The following WDPCP variants were observed in gnomAD, a reference collection of about 807,000 sequenced individuals.
WDPCP encodes WD repeat-containing and planar cell polarity effector protein fritz homolog.
In WDPCP, 71 loss-of-function variants were observed where a neutral mutation model predicts 93.1. The ratio of observed to expected loss-of-function variants is 0.76; its 90% CI spans 0.63 to 0.93. The LOEUF is 0.93. WDPCP is among the 40% of genes least tolerant of loss of function. The pLI is 0.00. For synonymous variants in WDPCP, 315 were observed against 315.0 expected (o/e 1.00, Z 0.00); for missense variants, 844 against 887.4 (o/e 0.95, Z 0.62).
intron 13 of WDPCP, among the ~76,000 whole-genome samples, chr2:63,291,286 C>T (rs926749826): frequency 6.6e-6 from 1 of 152,148 alleles, no homozygotes; most frequent in African/African-American, 2.4e-5. Flanking sequence ...AATCCTTGAA[C>T]ATTTCTGATG....
At chr2:63,311,573 G>A (rs184401469) in intron 13 of WDPCP, among the ~76,000 whole-genome samples, 2 of 152,116 alleles carry the variant, frequency 1.3e-5, no homozygotes, top group African/African-American at 4.8e-5. Flanking sequence ...AAAAAGGACA[G>A]TAAAACCACT....
intron 2 of WDPCP, among the ~76,000 whole-genome samples, chr2:63,703,914 G>C (rs1669104888): frequency 6.6e-6 from 1 of 152,228 alleles, no homozygotes; most frequent in African/African-American, 2.4e-5. Context: ...TCACGATATT[G>C]ATTCTTCCTA....
chr2:63,605,368 G>C (rs371552676), intron 3 of WDPCP: 9 of 1,614,082 alleles, frequency 5.6e-6, no homozygotes, highest in Non-Finnish European at 7.6e-6. Context: ...GACCACGTCA[G>C]GGACATCTGG....
chr2:63,415,099 T>G (rs535024366), intron 9 of WDPCP, among the ~76,000 whole-genome samples: 16 of 152,126 alleles, frequency 1.1e-4, no homozygotes, highest in Non-Finnish European at 2.1e-4. Context: ...AAAAAATACT[T>G]TAGTATAATC....
chr2:63,156,880 C>T (rs1672294074), intron 15 of WDPCP, among the ~76,000 whole-genome samples: 1 of 152,124 alleles, frequency 6.6e-6, no homozygotes, highest in African/African-American at 2.4e-5. Context: ...TACAGTGTTC[C>T]ATAAGAGTGG....
At chr2:63,123,399 G>A (rs904998909) in intron 17 of WDPCP, among the ~76,000 whole-genome samples, 2 of 152,030 alleles carry the variant, frequency 1.3e-5, no homozygotes, top group South Asian at 4.1e-4. Context: ...GTGTCGTTCA[G>A]CCATGTTGCT....
At chr2:63,772,522 G>C (rs775006061) in intron 2 of WDPCP, among the ~76,000 whole-genome samples, 9 of 152,026 alleles carry the variant, frequency 5.9e-5, no homozygotes, top group Non-Finnish European at 1.2e-4. Context: ...TTCTATGACA[G>C]ATGCAAAACT....
At chr2:63,222,110 T>C (rs925498247) in intron 14 of WDPCP, among the ~76,000 whole-genome samples, 1 of 152,168 alleles carries the variant, frequency 6.6e-6, no homozygotes, top group African/African-American at 2.4e-5. Flanking sequence ...GGACAGAGAC[T>C]CATATGCAGT....
chr2:63,368,291 A>ATTTT (rs1464606443), intron 12 of WDPCP, among the ~76,000 whole-genome samples: 14 of 141,142 alleles, frequency 9.9e-5, no homozygotes, highest in Non-Finnish European at 1.8e-4. Context: ...TACTAAGTTT[A>ATTTT]TTTTTAATTT....
At chr2:63,623,042 T>G (rs1709767022) in intron 3 of WDPCP, among the ~76,000 whole-genome samples, 1 of 152,190 alleles carries the variant, frequency 6.6e-6, no homozygotes, top group Admixed American at 6.5e-5. Flanking sequence ...TCAACATTCT[T>G]AAAGAAAAGA....
chr2:63,590,752 A>C (rs544965264), upstream of WDPCP: 1 of 152,330 alleles, frequency 6.6e-6, no homozygotes, highest in African/African-American at 2.4e-5. Flanking sequence ...GCCAGATAAC[A>C]CAGAGACAGA....
intron 3 of WDPCP, among the ~76,000 whole-genome samples, chr2:63,646,346 A>G (rs1463083614): frequency 6.6e-6 from 1 of 152,010 alleles, no homozygotes; most frequent in Non-Finnish European, 1.5e-5. Context: ...TTCCATTTGT[A>G]TCTTACTGTA....
At chr2:63,526,641 G>C (rs1703359931) in intron 1 of WDPCP, among the ~76,000 whole-genome samples, 1 of 152,106 alleles carries the variant, frequency 6.6e-6, no homozygotes, top group Non-Finnish European at 1.5e-5. Flanking sequence ...CAGAGCCTTT[G>C]TATTTGATGT....
chr2:63,784,571 AGTGT>A lies in WDPCP; in HGVS notation n.308+29047_308+29050del, dbSNP rs57680590. Among the ~76,000 whole-genome samples, 151 of 145,730 alleles carry A rather than the reference AGTGT, an allele frequency of 1.0e-3. 1 individual carries two copies. Among genetic ancestry groups the A allele is most frequent in the Admixed American group, 3.0e-3 (43 of 14,558 alleles). On this transcript the variant is annotated intron_variant and non_coding_transcript_variant, in intron 2 of 4. Transcript: ENST00000467687. ...CTTTTGAAAAAATATCTCTAGCTGG[AGTGT>A]GTGTGTGTGTGTGTGTGTGTGTGTG... is the stretch of plus-strand genomic sequence containing the variant.
At chr2:63,431,919 ATTTG>A (rs1696791235) in intron 9 of WDPCP, among the ~76,000 whole-genome samples, 1 of 152,156 alleles carries the variant, frequency 6.6e-6, no homozygotes, top group Admixed American at 6.5e-5. Context: ...TCATGTAGAA[ATTTG>A]CATACAACTT....
chr2:63,325,156 G>A (rs948730429), intron 12 of WDPCP, among the ~76,000 whole-genome samples: 16 of 152,176 alleles, frequency 1.1e-4, no homozygotes, highest in African/African-American at 3.6e-4. Flanking sequence ...TCAGAGAAAT[G>A]CTGCAGCCTT....
At position 63,588,398 on chromosome 2, in the gene WDPCP, T is replaced by C; in HGVS notation, c.-127A>G. 1 of 1,124,836 alleles carries C rather than the reference T, an allele frequency of 8.9e-7. No individual in the cohort carries two copies. Among genetic ancestry groups the C allele is most frequent in the Non-Finnish European group, 1.3e-6 (1 of 758,358 alleles). The allele number at this position is 1,124,836 out of a possible 1,614,324, so 69.7% of individuals were successfully genotyped here. A position where few individuals can be genotyped will look rare whatever the true frequency, so the allele number is the denominator to read the frequency against. On this transcript the variant is annotated 5_prime_UTR_variant, in exon 1 of 18. Coordinates refer to ENST00000272321, the MANE Select transcript of WDPCP (RefSeq NM_015910.7). ...CCGCCGCCACAGTTTCCTCAGGTGC[T>C]ACAAAGCAGCCAGGGTGTGCGTGCG...
At chr2:63,341,189 C>T (rs1363428374) in intron 12 of WDPCP, among the ~76,000 whole-genome samples, 3 of 152,210 alleles carry the variant, frequency 2.0e-5, no homozygotes, top group East Asian at 3.9e-4. Flanking sequence ...AGTGCAGTGG[C>T]GTGATCTCGG....
At chr2:63,561,915 G>A (rs72806027) in intron 1 of WDPCP, among the ~76,000 whole-genome samples, 28,536 of 152,164 alleles carry the variant, frequency 0.19, 3,382 homozygotes, top group Non-Finnish European at 0.24. Context: ...CTTTTCCACT[G>A]TTGGTGGGAA....
Sources: allele counts gnomAD v4.1 joint callset (sites outside exome capture counted in the v4.1 genomes callset), GRCh38; gene constraint gnomAD v4.1.1; transcripts MANE v1.5; gene names NCBI Gene and HGNC (gene_info 2026-07-23, HGNC 2026-07-21).